CENPC: variants seen among roughly 807,000 people sequenced by gnomAD.
CENPC encodes the protein centromere protein C, also known as CENP-C 1.
CENPC carries 63 observed loss-of-function variants against 112.1 expected under a neutral mutation model. The ratio of observed to expected loss-of-function variants is 0.56; its 90% confidence interval spans 0.46 to 0.69. The LOEUF is 0.69. Among genes scored for constraint, CENPC ranks in the 30% least tolerant of loss-of-function variants. The pLI is 0.00. For missense variants in CENPC, 1,000 were observed against 1,103.8 expected (o/e 0.91, Z 1.33); for synonymous variants, 333 against 367.6 (o/e 0.91, Z 1.08).
intron 11 of CENPC, among the ~76,000 whole-genome samples, chr4:67,506,216 C>T (rs1299831664): frequency 6.6e-6 from 1 of 152,164 alleles, no homozygotes; most frequent in Admixed American, 6.5e-5. Context: ...GTCATTTTAA[C>T]ATTATATGTC....
chr4:67,478,841 A>C (rs1457047526), intron 17 of CENPC, among the ~76,000 whole-genome samples: 1 of 152,198 alleles, frequency 6.6e-6, no homozygotes, highest in East Asian at 1.9e-4. Flanking sequence ...TTAACACATA[A>C]GGATTCACAT....
chr4:67,489,943 T>C (rs1216446034), intron 17 of CENPC, 24 bp downstream of exon 17: 2 of 1,492,116 alleles, frequency 1.3e-6, no homozygotes, highest in South Asian at 2.7e-5. Context: ...GAGTGAAACA[T>C]AAATATATAA....
chr4:67,494,228 A>C (rs1292278512), intron 13 of CENPC, among the ~76,000 whole-genome samples: 1 of 152,234 alleles, frequency 6.6e-6, no homozygotes. Flanking sequence ...GACAATGTTA[A>C]ATGTACACTC....
intron 1 of CENPC, among the ~76,000 whole-genome samples, chr4:67,545,022 G>T (rs114022292): frequency 0.011 from 1,717 of 152,132 alleles, 25 homozygotes; most frequent in Non-Finnish European, 0.018. Flanking sequence ...ACTCCAGCCT[G>T]GGGGACAGAG....
rs1000007497 is a variant in CENPC, at chr4:67,469,031, CAT to C, written c.*3572_*3573del. 3.2e-4 allele frequency: 48 copies of C among 152,250 alleles called. 1 individual carries two copies. The highest frequency in any genetic ancestry group is 1.1e-3 in the African/African-American group (46 of 41,524). The allele number at this position is 152,250 out of a possible 1,614,324, so 9.4% of individuals were successfully genotyped here. On this transcript the variant is annotated 3_prime_UTR_variant, in exon 19 of 19. Coordinates refer to ENST00000273853, the MANE Select transcript of CENPC (RefSeq NM_001812.4). Reference sequence around the variant, plus strand: ...ATTGCAGTAGTTACACAAATTCACACATATGATGAAATAGAACTATACACATG... The same window carrying C: ...ATTGCAGTAGTTACACAAATTCACACATGATGAAATAGAACTATACACATG...
intron 4 of CENPC, among the ~76,000 whole-genome samples, chr4:67,534,950 TC>T (rs1726672539): frequency 6.6e-6 from 1 of 151,998 alleles, no homozygotes. Context: ...GAACCTAATG[TC>T]AAGGAATATA....
At chr4:67,488,855 T>C (rs1476107066) in intron 17 of CENPC, among the ~76,000 whole-genome samples, 1 of 152,020 alleles carries the variant, frequency 6.6e-6, no homozygotes, top group Non-Finnish European at 1.5e-5. Flanking sequence ...TATACTGATG[T>C]AGTAATAATC....
chr4:67,482,704 C>CA (rs1404848682), intron 17 of CENPC, among the ~76,000 whole-genome samples: 2 of 152,000 alleles, frequency 1.3e-5, no homozygotes, highest in Admixed American at 1.3e-4. Flanking sequence ...TATGAGGATG[C>CA]AAAGGCATAA....
Position 67,486,108 on chromosome 4 carries a change from G to A in CENPC, c.2670+3859C>T, listed in dbSNP as rs1725087079. 2.0e-5 allele frequency among the ~76,000 whole-genome samples: 3 copies of A among 152,224 alleles called. No individual in the cohort carries two copies. The South Asian group carries it at 6.2e-4, about 32-fold the overall frequency. On this transcript the variant is annotated intron_variant, in intron 17 of 18. Transcript: ENST00000273853. ...TAATACTAAAAAGTATATATTTCTA[G>A]TGTTTTTTTCTCATCTATTCAATTT...
At chr4:67,511,563 G>A (rs1416623607) in intron 9 of CENPC, among the ~76,000 whole-genome samples, 1 of 152,154 alleles carries the variant, frequency 6.6e-6, no homozygotes, top group Non-Finnish European at 1.5e-5. Context: ...TAAATTTCAG[G>A]ATTGTTCCCG....
intron 15 of CENPC, among the ~76,000 whole-genome samples, chr4:67,492,560 G>C (rs1040611381): frequency 6.6e-6 from 1 of 152,148 alleles, no homozygotes; most frequent in Admixed American, 6.6e-5. Flanking sequence ...ATCTCTAAGT[G>C]AGATAGAGGT....
At chr4:67,496,211 G>A (rs962737131) in intron 12 of CENPC, among the ~76,000 whole-genome samples, 29 of 152,188 alleles carry the variant, frequency 1.9e-4, no homozygotes, top group African/African-American at 6.8e-4. Context: ...TCTTCCAGCT[G>A]GGTCCAAACA....
chr4:67,504,753 T>C (rs1560429306), intron 12 of CENPC, among the ~76,000 whole-genome samples: 1 of 151,392 alleles, frequency 6.6e-6, no homozygotes, highest in Non-Finnish European at 1.5e-5. Flanking sequence ...ACCCAGGAGG[T>C]GGAGGATGCA....
At chr4:67,484,918 C>T (rs996795059) in intron 17 of CENPC, among the ~76,000 whole-genome samples, 14 of 152,014 alleles carry the variant, frequency 9.2e-5, no homozygotes, top group African/African-American at 3.4e-4. Flanking sequence ...ACAGTGAAAC[C>T]CCATCTCTAT....
intron 17 of CENPC, among the ~76,000 whole-genome samples, chr4:67,487,793 A>G (rs1725132667): frequency 6.6e-6 from 1 of 151,658 alleles, no homozygotes; most frequent in Non-Finnish European, 1.5e-5. Flanking sequence ...ATTAATATGT[A>G]AATTCTTCTG....
intron 4 of CENPC, among the ~76,000 whole-genome samples, chr4:67,537,325 C>A (rs1050471937): frequency 6.6e-6 from 1 of 152,056 alleles, no homozygotes; most frequent in African/African-American, 2.4e-5. Context: ...GAAATATACA[C>A]GCAATTTGTG....
At chr4:67,498,176 A>G (rs1725492751) in intron 12 of CENPC, among the ~76,000 whole-genome samples, 1 of 151,882 alleles carries the variant, frequency 6.6e-6, no homozygotes. Context: ...AAAAGGTTTC[A>G]GTGAGCCGAG....
At chr4:67,518,392 G>A (rs1317795528) in intron 6 of CENPC, 24 bp from the exon 7 acceptor site, 5 of 1,499,132 alleles carry the variant, frequency 3.3e-6, no homozygotes, top group Admixed American at 2.5e-5. Context: ...AGGAGGGTAA[G>A]CTGAATGCTC....
At chr4:67,491,525 A>AGAGAGAGAGAGAGAGC (rs1553893257) in intron 16 of CENPC, among the ~76,000 whole-genome samples, 1 of 130,044 alleles carries the variant, frequency 7.7e-6, no homozygotes, top group Non-Finnish European at 1.7e-5. Context: ...AGAGAGAGAG[A>AGAGAGAGAGAGAGAGC]GAGCCTGGTT....
Sources: gnomAD v4.1 joint callset for allele counts (sites outside exome capture counted in the v4.1 genomes callset) on GRCh38, gnomAD v4.1.1 for gene constraint, MANE v1.5 for transcripts, NCBI Gene and HGNC (gene_info 2026-07-23, HGNC 2026-07-21) for gene names.